Variants in NTRK2 observed in about 807,000 individuals in gnomAD.
The protein encoded by NTRK2 is BDNF/NT-3 growth factors receptor.
A neutral mutation model predicts 94.5 loss-of-function variants in NTRK2; 13 were observed. That is an observed-to-expected ratio of 0.14 (90% CI 0.09 to 0.22). The LOEUF (loss-of-function observed/expected upper bound fraction) is 0.22, where lower values mean the gene tolerates loss of function less well. NTRK2 is among the 10% of genes least tolerant of loss of function. NTRK2 has a pLI of 1.00. For synonymous variants in NTRK2, 372 were observed against 407.4 expected, an observed-to-expected ratio of 0.91 and a Z score of 1.05; for missense variants, 639 against 1,071.2, an observed-to-expected ratio of 0.60 and a Z score of 5.63.
At chr9:84,875,649 A>T (rs1163512175) in intron 14 of NTRK2, 4 of 1,057,240 alleles carry the variant, frequency 3.8e-6, no homozygotes, top group Non-Finnish European at 4.6e-6. Flanking sequence ...TCCATCAAGG[A>T]TACCTTGGCT....
chr9:84,958,955 G>T (rs1368330401), intron 17 of NTRK2, among the ~76,000 whole-genome samples: 1 of 152,060 alleles, frequency 6.6e-6, no homozygotes, highest in South Asian at 2.1e-4. Flanking sequence ...TCCTGCGGTG[G>T]CTAAGTCCCA....
intron 17 of NTRK2, among the ~76,000 whole-genome samples, chr9:84,987,395 G>T (rs760290751): frequency 6.6e-6 from 1 of 152,118 alleles, no homozygotes; most frequent in Non-Finnish European, 1.5e-5. Context: ...GTATTCTTTA[G>T]TCCATGCACA....
At chr9:84,855,396 C>T (rs1587692613) in intron 12 of NTRK2, among the ~76,000 whole-genome samples, 1 of 152,118 alleles carries the variant, frequency 6.6e-6, no homozygotes, top group Non-Finnish European at 1.5e-5. Flanking sequence ...TTTATGTCTT[C>T]GTCTCTGTGG....
At chr9:84,877,273 G>T in intron 14 of NTRK2, 1 of 1,065,894 alleles carries the variant, frequency 9.4e-7, no homozygotes, top group Non-Finnish European at 1.1e-6. Flanking sequence ...GAGGATTCAT[G>T]TCATTGAGGG....
intron 6 of NTRK2, among the ~76,000 whole-genome samples, chr9:84,722,661 C>T (rs1283266663): frequency 2.6e-5 from 4 of 152,112 alleles, no homozygotes; most frequent in Non-Finnish European, 4.4e-5. Flanking sequence ...GACATGCCTA[C>T]GTGTAAAAAT....
At chr9:84,861,397 A>G (rs2075334253) in intron 13 of NTRK2, among the ~76,000 whole-genome samples, 1 of 152,238 alleles carries the variant, frequency 6.6e-6, no homozygotes, top group African/African-American at 2.4e-5. Context: ...ATACAACTAC[A>G]TTTCAGCTAC....
chr9:84,761,845 A>G (rs1206588192), intron 12 of NTRK2, among the ~76,000 whole-genome samples: 1 of 152,176 alleles, frequency 6.6e-6, no homozygotes, highest in East Asian at 1.9e-4. Context: ...TGCAGGTAGC[A>G]TGCATCTTGT....
intron 17 of NTRK2, among the ~76,000 whole-genome samples, chr9:85,001,110 A>G (rs558785366): frequency 3.2e-4 from 48 of 152,272 alleles, no homozygotes; most frequent in African/African-American, 1.1e-3. Context: ...TTCTTACATC[A>G]GATTCAAAGC....
intron 14 of NTRK2, among the ~76,000 whole-genome samples, chr9:84,888,611 C>CAAAAAAAAAAAAAAA: frequency 3.0e-5 from 1 of 33,848 alleles, no homozygotes; most frequent in Non-Finnish European, 4.6e-5. Context: ...CACTCCATCT[C>CAAAAAAAAAAAAAAA]AAAAAAAAAA....
intron 12 of NTRK2, among the ~76,000 whole-genome samples, chr9:84,844,324 T>C (rs1262584344): frequency 6.6e-6 from 1 of 152,160 alleles, no homozygotes; most frequent in East Asian, 1.9e-4. Context: ...CCATGGATGG[T>C]TCACTGTTTT....
chr9:84,864,890 G>A (rs966540764), intron 13 of NTRK2, among the ~76,000 whole-genome samples: 10 of 151,868 alleles, frequency 6.6e-5, no homozygotes, highest in African/African-American at 1.7e-4. Flanking sequence ...ACAGGTGCAC[G>A]CCACCACACC....
At chr9:84,888,484 G>C (rs1205614120) in intron 14 of NTRK2, among the ~76,000 whole-genome samples, 3 of 151,336 alleles carry the variant, frequency 2.0e-5, no homozygotes, top group Non-Finnish European at 4.4e-5. Context: ...ATGGTGGCAG[G>C]CACCTGTAGT....
rs530195978 is a variant in NTRK2, at chr9:84,989,263, C to T, written c.2173-30943C>T. Among the ~76,000 whole-genome samples the T allele has an allele frequency of 4.6e-5, 7 of 152,288 alleles. No homozygotes were observed. In the East Asian group the frequency reaches 7.7e-4, roughly 17 times the overall value. On this transcript the variant is annotated intron_variant, in intron 17 of 18. Transcript: ENST00000277120. ...CACTAAATACTTCTCTGAAAATTATCTCTTTATATTCTCAGTTGTCACCAC... is the reference window on the plus strand; with the variant it reads ...CACTAAATACTTCTCTGAAAATTATTTCTTTATATTCTCAGTTGTCACCAC...
chr9:85,007,907 G>A (rs1471730278), intron 17 of NTRK2, among the ~76,000 whole-genome samples: 1 of 152,142 alleles, frequency 6.6e-6, no homozygotes, highest in Non-Finnish European at 1.5e-5. Context: ...TTAAACATTA[G>A]CCACACAGCT....
At chr9:84,776,475 G>A (rs2067057996) in intron 12 of NTRK2, among the ~76,000 whole-genome samples, 1 of 152,186 alleles carries the variant, frequency 6.6e-6, no homozygotes, top group Non-Finnish European at 1.5e-5. Context: ...GCCCACCTTG[G>A]CTTCCCAATG....
intron 6 of NTRK2, among the ~76,000 whole-genome samples, chr9:84,716,670 T>C (rs1416829102): frequency 6.6e-6 from 1 of 152,236 alleles, no homozygotes; most frequent in Non-Finnish European, 1.5e-5. Context: ...TTAATTTTCT[T>C]AGAGATCAGG....
chr9:84,879,259 G>GT (rs753542604), intron 14 of NTRK2, among the ~76,000 whole-genome samples: 2 of 152,058 alleles, frequency 1.3e-5, no homozygotes, highest in Non-Finnish European at 2.9e-5. Flanking sequence ...GACTTTCTCA[G>GT]TAAGTCTGAG....
intron 14 of NTRK2, chr9:84,877,734 G>C: frequency 9.4e-7 from 1 of 1,058,384 alleles, no homozygotes. Flanking sequence ...CCTATGTTCA[G>C]AAACTCCAGG....
chr9:84,860,138 A>C (rs2075262909), intron 12 of NTRK2, among the ~76,000 whole-genome samples: 1 of 152,216 alleles, frequency 6.6e-6, no homozygotes, highest in Non-Finnish European at 1.5e-5. Flanking sequence ...AAATGTCTGT[A>C]AAAATTATGA....
Sources: gnomAD v4.1 joint callset for allele counts (sites outside exome capture counted in the v4.1 genomes callset) on GRCh38, gnomAD v4.1.1 for gene constraint, MANE v1.5 for transcripts, NCBI Gene and HGNC (gene_info 2026-07-23, HGNC 2026-07-21) for gene names.